The following SH2D2A variants were observed in gnomAD, a reference collection of about 807,000 sequenced individuals.
SH2D2A encodes SH2 domain-containing protein 2A.
In SH2D2A, 33 loss-of-function variants were observed where a neutral mutation model predicts 43.6. That is an observed-to-expected ratio of 0.76 (90% CI 0.57 to 1.01). SH2D2A has a LOEUF of 1.01. Among genes scored for constraint, SH2D2A ranks in the 50% least tolerant of loss-of-function variants. The pLI, the probability that SH2D2A is intolerant of heterozygous loss-of-function variation, is 0.00. For synonymous variants in SH2D2A, 212 were observed against 206.1 expected, an observed-to-expected ratio of 1.03 and a Z score of -0.25; for missense variants, 491 against 503.1, an observed-to-expected ratio of 0.98 and a Z score of 0.23.
At chr1:156,816,605 C>T (rs1653959988) in intron 1 of SH2D2A, 70 bp downstream of exon 1, 2 of 1,530,474 alleles carry the variant, frequency 1.3e-6, no homozygotes, top group Non-Finnish European at 8.9e-7. Context: ...AGCTCAAGCC[C>T]AGGAGGGAGG....
rs1168303970 is a variant in SH2D2A, at chr1:156,809,344, T to TG, written c.860_861insC (p.Ala288SerfsTer24). On this transcript the variant is annotated frameshift_variant, in exon 7 of 9. Coordinates refer to ENST00000368199, the MANE Select transcript of SH2D2A (RefSeq NM_003975.4). LOFTEE classifies it high-confidence loss of function. The surrounding 1 kb of genome is among the most constrained non-coding windows in gnomAD (Gnocchi z 4.8). The stretch of plus-strand genomic sequence containing the variant: ...TGCCCCGGCCCATGGCATAGAAAGC[T>TG]ATGGGTTCATCAGGCTCATTGTAGA... 6.2e-7 allele frequency: 1 copy of TG among 1,613,990 alleles called. No individual in the cohort carries two copies. The highest frequency in any genetic ancestry group is 1.7e-5 in the Admixed American group (1 of 60,000).
At chr1:156,814,521 C>T (rs939588938) in intron 3 of SH2D2A, 19 of 698,628 alleles carry the variant, frequency 2.7e-5, no homozygotes, top group African/African-American at 5.5e-5. Context: ...CCCCCGCATC[C>T]TCCCCTGGCC....
chr1:156,813,733 G>C (rs1461714422), intron 5 of SH2D2A, 115 bp downstream of exon 5: 2 of 1,011,000 alleles, frequency 2.0e-6, no homozygotes, highest in Non-Finnish European at 1.3e-6. Flanking sequence ...AGGCATGCCC[G>C]AGTGGTGTTT....
At chr1:156,810,352 TTTC>T (rs1425573696) in intron 5 of SH2D2A, among the ~76,000 whole-genome samples, 1 of 152,220 alleles carries the variant, frequency 6.6e-6, no homozygotes, top group Non-Finnish European at 1.5e-5. Context: ...TTAAACTTAA[TTTC>T]TTCTGGAACA....
chr1:156,815,565 G>T (rs962320297), intron 2 of SH2D2A: 3 of 610,526 alleles, frequency 4.9e-6, no homozygotes, highest in African/African-American at 3.7e-5. Context: ...GAAACATGAT[G>T]CAGGAAGTCA....
rs1653958985 is a variant in SH2D2A, at chr1:156,816,600, AAG to A, written c.34+73_34+74del. On this transcript the variant is annotated intron_variant, in intron 1 of 8. Transcript: ENST00000368199. ...CCCCTCATCCCTGAAGTGGGAGCTC[AAG>A]CCCAGGAGGGAGGGCAGGGGGATGG... 4.7e-6 allele frequency: 7 copies of A among 1,495,142 alleles called. No homozygotes were observed. In the South Asian group the frequency reaches 7.4e-5, roughly 16 times the overall value. 92.6% of individuals were successfully genotyped at this position (1,495,142 alleles called of 1,614,324 possible).
In SH2D2A at chr1:156,807,093, C is replaced by A; in HGVS notation, c.*3+82G>T. 3 of 1,267,932 alleles carry A rather than the reference C, an allele frequency of 2.4e-6. No homozygotes were observed. The highest frequency in any genetic ancestry group is 3.4e-6 in the Non-Finnish European group (3 of 874,030). 78.5% of individuals were successfully genotyped at this position (1,267,932 alleles called of 1,614,324 possible). A position where few individuals can be genotyped will look rare whatever the true frequency, so the allele number is the denominator to read the frequency against. On this transcript the variant is annotated intron_variant, in intron 8 of 8. Coordinates refer to ENST00000368199, the MANE Select transcript of SH2D2A (RefSeq NM_003975.4). The surrounding 1 kb of genome is among the most constrained non-coding windows in gnomAD (Gnocchi z 5.1). The stretch of plus-strand genomic sequence containing the variant: ...GAACACCTATGGTTTATTCCATCCA[C>A]ATTTCTTGAGAAGTGTGCCAGGTGT...
rs1038755007 is a variant in SH2D2A at position 156,813,760 on chromosome 1, C to T, written c.567+88G>A. The T allele has an allele frequency of 3.8e-5, 48 of 1,266,418 alleles. No individual in the cohort carries two copies. The East Asian group carries it at 1.1e-3, about 28-fold the overall frequency. The allele number at this position is 1,266,418 out of a possible 1,614,324, so 78.4% of individuals were successfully genotyped here. A position where few individuals can be genotyped will look rare whatever the true frequency, so the allele number is the denominator to read the frequency against. On this transcript the variant is annotated intron_variant, in intron 5 of 8. Coordinates refer to ENST00000368199, the MANE Select transcript of SH2D2A (RefSeq NM_003975.4). ...GTGGTGTTTCGGGATGAGAAAGTGC[C>T]TGGTGCCGCGTCCTGCGCCTGGGCT... is the stretch of plus-strand genomic sequence containing the variant.
chr1:156,812,336 C>A (rs1653476948), intron 5 of SH2D2A, among the ~76,000 whole-genome samples: 1 of 152,168 alleles, frequency 6.6e-6, no homozygotes, highest in African/African-American at 2.4e-5. Flanking sequence ...ATACAAGAGT[C>A]TACAGGGCCC....
At chr1:156,811,606 A>G (rs1653426344) in intron 5 of SH2D2A, among the ~76,000 whole-genome samples, 1 of 152,138 alleles carries the variant, frequency 6.6e-6, no homozygotes, top group Non-Finnish European at 1.5e-5. Context: ...TAACTGACCC[A>G]AATCAAGTTC....
At chr1:156,808,437 A>G (rs2102790394) in intron 7 of SH2D2A, among the ~76,000 whole-genome samples, 1 of 152,286 alleles carries the variant, frequency 6.6e-6, no homozygotes, top group East Asian at 1.9e-4. Flanking sequence ...AGATATGGAC[A>G]GGTGACGTTA....
chr1:156,808,308 G>C (rs1653120443), intron 7 of SH2D2A, among the ~76,000 whole-genome samples: 1 of 152,176 alleles, frequency 6.6e-6, no homozygotes. Context: ...TCAGGACAGT[G>C]AACATGGGAC....
chr1:156,813,207 C>T (rs928941367), intron 5 of SH2D2A, among the ~76,000 whole-genome samples: 2 of 152,214 alleles, frequency 1.3e-5, no homozygotes, highest in Non-Finnish European at 2.9e-5. Flanking sequence ...TGGCTCACGC[C>T]TGTAATCCCA....
At chr1:156,811,766 C>T (rs775905978) in intron 5 of SH2D2A, among the ~76,000 whole-genome samples, 4 of 152,192 alleles carry the variant, frequency 2.6e-5, no homozygotes, top group African/African-American at 4.8e-5. Context: ...TCTTTCTGAG[C>T]GCTCTGCTCT....
chr1:156,811,146 A>G (rs547437029), intron 5 of SH2D2A, among the ~76,000 whole-genome samples: 15 of 152,240 alleles, frequency 9.9e-5, no homozygotes, highest in Admixed American at 8.5e-4. Context: ...CCGAAACAGC[A>G]CCTTAGGAGT....
rs1653189439 is a variant in SH2D2A, at chr1:156,809,025, A to C, written c.1002+178T>G. Among the ~76,000 whole-genome samples the C allele has an allele frequency of 6.6e-6, 1 of 152,142 alleles. No individual in the cohort carries two copies. On this transcript the variant is annotated intron_variant, in intron 7 of 8. Coordinates refer to ENST00000368199, the MANE Select transcript of SH2D2A (RefSeq NM_003975.4). The surrounding 1 kb of genome is among the most constrained non-coding windows in gnomAD (Gnocchi z 4.8). Reference sequence around the variant, plus strand: ...AGCGACTCTGGGGAGAAGAGGGGGCAGCCTCTGGGCCTGGAGAAGGGAGGC... The same window carrying C: ...AGCGACTCTGGGGAGAAGAGGGGGCCGCCTCTGGGCCTGGAGAAGGGAGGC...
In SH2D2A at chr1:156,809,744, C is replaced by T. The variant is rs372976061; in HGVS notation, c.631G>A (p.Asp211Asn). Residue 211 changes from aspartate (D) to asparagine (N), a missense_variant, in exon 6 of 9, where the codon GAC becomes AAC. Coordinates refer to ENST00000368199, the MANE Select transcript of SH2D2A (RefSeq NM_003975.4). The surrounding 1 kb of genome is among the most constrained non-coding windows in gnomAD (Gnocchi z 4.8). ...EESNFGSKSQ[D>N]PNPQYSPIIK... The stretch of plus-strand genomic sequence containing the variant: ...ATTGGGCTGTACTGGGGGTTTGGGT[C>T]CTGGCTTTTGCTTCCAAAGTTTGAT... 5 of 1,613,980 alleles carry T rather than the reference C, an allele frequency of 3.1e-6. No individual in the cohort carries two copies. Among genetic ancestry groups the T allele is most frequent in the South Asian group, 1.1e-5 (1 of 91,078 alleles).
chr1:156,816,225 G>T, intron 1 of SH2D2A, 131 bp from the exon 2 acceptor site: 1 of 1,409,342 alleles, frequency 7.1e-7, no homozygotes, highest in Non-Finnish European at 9.4e-7. Flanking sequence ...AAACGCAGAA[G>T]GGCAGCAGGG....
chr1:156,816,358 G>A (rs1653931696), intron 1 of SH2D2A, among the ~76,000 whole-genome samples: 1 of 152,166 alleles, frequency 6.6e-6, no homozygotes, highest in Admixed American at 6.5e-5. Context: ...GCCTTCGGAT[G>A]GTCAGGGAGG....
Sources: allele counts gnomAD v4.1 joint callset (sites outside exome capture counted in the v4.1 genomes callset), GRCh38; gene constraint gnomAD v4.1.1; non-coding constraint Gnocchi (gnomAD v3.1); transcripts MANE v1.5; gene names NCBI Gene and HGNC (gene_info 2026-07-23, HGNC 2026-07-21).